The following PTCH2 variants were observed in gnomAD, a reference collection of about 807,000 sequenced individuals.
PTCH2 encodes protein patched homolog 2.
A neutral mutation model predicts 117.9 loss-of-function variants in PTCH2; 96 were observed. That is an observed-to-expected ratio of 0.81 (90% confidence interval 0.69 to 0.96). The LOEUF (loss-of-function observed/expected upper bound fraction) is 0.96, where lower values mean the gene tolerates loss of function less well. Ranked by LOEUF, PTCH2 falls within the 50% of genes least tolerant of loss-of-function variation. PTCH2 has a pLI of 0.00. For missense variants in PTCH2, 1,379 were observed against 1,562.5 expected, an observed-to-expected ratio of 0.88 and a Z score of 1.98; for synonymous variants, 615 against 660.9, an observed-to-expected ratio of 0.93 and a Z score of 1.06.
intron 2 of PTCH2, among the ~76,000 whole-genome samples, chr1:44,836,001 A>G (rs1055031632): frequency 6.6e-6 from 1 of 152,116 alleles, no homozygotes; most frequent in Non-Finnish European, 1.5e-5. Context: ...TAAGAAGGGG[A>G]CTGACTTGGC....
Position 44,822,592 on chromosome 1 carries a change from T to A in PTCH2, c.3435A>T (p.Ala1145=). The part of the protein sequence containing the change: ...APQGGGLRWG[A]SSSLPQSFAR... ...CAAAGCTCTGGGGCAGGGAGGAGGA[T>A]GCCCCCCACCTAAGCCCGCCTCCCT... is the stretch of plus-strand genomic sequence containing the variant. Residue 1145 remains alanine, a synonymous_variant, in exon 22 of 22, where the codon GCA becomes GCT. Coordinates refer to ENST00000372192, the MANE Select transcript of PTCH2 (RefSeq NM_003738.5). 6.2e-7 allele frequency: 1 copy of A among 1,613,970 alleles called. No homozygotes were observed. The highest frequency in any genetic ancestry group is 8.5e-7 in the Non-Finnish European group (1 of 1,179,956).
rs1573643889 is a variant in PTCH2, at chr1:44,826,639, A to G, written c.2825T>C (p.Val942Ala). ...AACAEAGQAGVHAYPSGSPFL... is the reference protein window; with the variant it reads ...AACAEAGQAGAHAYPSGSPFL... ...GGGGGAGCCGCTGGGGTAGGCGTGC[A>G]CCCCAGCCTGGCCGGCCTCTGCGCA... The change falls in exon 18 of 22, where the codon GTG becomes GCG. Residue 942 changes from valine (V) to alanine (A), a missense_variant. Transcript: ENST00000372192. The surrounding 1 kb of genome is among the most constrained non-coding windows in gnomAD (Gnocchi z 5.1). 6.2e-7 allele frequency: 1 copy of G among 1,611,932 alleles called. No homozygotes were observed. The highest frequency in any genetic ancestry group is 1.3e-5 in the African/African-American group (1 of 74,980).
chr1:44,822,273 A>G lies in PTCH2; in HGVS notation c.*142T>C. The G allele has an allele frequency of 6.4e-7, 1 of 1,570,056 alleles. No homozygotes were observed. The highest frequency in any genetic ancestry group is 1.2e-5 in the South Asian group (1 of 86,072). On this transcript the variant is annotated 3_prime_UTR_variant, in exon 22 of 22. Coordinates refer to ENST00000372192, the MANE Select transcript of PTCH2 (RefSeq NM_003738.5). ...TGGCTGTTCTGTATGGATATCAGGG[A>G]GGCCCATGACAGCTGGGTCGGGAGA...
At chr1:44,833,157 G>A (rs1653534520) in intron 2 of PTCH2, among the ~76,000 whole-genome samples, 1 of 152,104 alleles carries the variant, frequency 6.6e-6, no homozygotes, top group South Asian at 2.1e-4. Flanking sequence ...CGCCCCTCCA[G>A]TCCTGCGTTA....
chr1:44,833,206 G>A (rs1653536465), intron 2 of PTCH2, among the ~76,000 whole-genome samples: 1 of 152,116 alleles, frequency 6.6e-6, no homozygotes, highest in African/African-American at 2.4e-5. Context: ...TGGGACCTGG[G>A]GGAGGTGGGG....
downstream of PTCH2, chr1:44,821,776 T>C (rs1321807733): frequency 7.6e-7 from 1 of 1,318,034 alleles, no homozygotes; most frequent in Non-Finnish European, 1.0e-6. Flanking sequence ...CAGATGATGT[T>C]ACCAAGTATA....
chr1:44,828,775 G>A lies in PTCH2; in HGVS notation c.1465-144C>T, dbSNP rs537285433. The A allele has an allele frequency of 7.1e-5, 92 of 1,294,962 alleles. No homozygotes were observed. In the African/African-American group the frequency reaches 9.4e-4, roughly 13 times the overall value. The allele number at this position is 1,294,962 out of a possible 1,614,324, so 80.2% of individuals were successfully genotyped here. On this transcript the variant is annotated intron_variant, in intron 11 of 21. Coordinates refer to ENST00000372192, the MANE Select transcript of PTCH2 (RefSeq NM_003738.5). Reference sequence around the variant, plus strand: ...CTAGCATTTATTGGGTACCATGTACGTATGATGGGCTGTTCTAAGCATTCA... The same window carrying A: ...CTAGCATTTATTGGGTACCATGTACATATGATGGGCTGTTCTAAGCATTCA...
chr1:44,841,152 G>A (rs1218914305), intron 2 of PTCH2, among the ~76,000 whole-genome samples: 2 of 151,052 alleles, frequency 1.3e-5, no homozygotes, highest in Non-Finnish European at 2.9e-5. Context: ...CTGGGTGACA[G>A]AGAAAGACTC....
intron 2 of PTCH2, among the ~76,000 whole-genome samples, chr1:44,833,974 C>T (rs1217147997): frequency 6.6e-6 from 1 of 152,024 alleles, no homozygotes; most frequent in Non-Finnish European, 1.5e-5. Flanking sequence ...AATCTTCTCA[C>T]TCACAAAAGC....
chr1:44,820,510 G>A, downstream of PTCH2: 1 of 682,118 alleles, frequency 1.5e-6, no homozygotes, highest in Non-Finnish European at 2.8e-6. Flanking sequence ...TGGAGGAGAT[G>A]GCATCCGATC....
rs11573587 is a variant in PTCH2, at chr1:44,827,646, G to A, written c.2127C>T (p.Asp709=). 29,338 of 1,613,342 alleles carry A rather than the reference G, an allele frequency of 0.018. 335 individuals carry two copies. Among genetic ancestry groups the A allele is most frequent in the Non-Finnish European group, 0.022 (25,656 of 1,180,006 alleles). The change falls in exon 15 of 22, where the codon GAC becomes GAT. Residue 709 remains aspartate, a synonymous_variant. Coordinates refer to ENST00000372192, the MANE Select transcript of PTCH2 (RefSeq NM_003738.5). ...LSLYGATLVQ[D]GLALTDVVPR... Reference sequence around the variant, plus strand: ...GCACCACATCCGTCAGGGCCAGGCCGTCTTGCACCAAGGTGGCTCCGTAGA... The same window carrying A: ...GCACCACATCCGTCAGGGCCAGGCCATCTTGCACCAAGGTGGCTCCGTAGA...
chr1:44,833,116 G>A (rs917887643), intron 2 of PTCH2, among the ~76,000 whole-genome samples: 10 of 152,240 alleles, frequency 6.6e-5, no homozygotes, highest in African/African-American at 1.7e-4. Flanking sequence ...GATTCCCGGC[G>A]CCAGGCCTGC....
intron 2 of PTCH2, among the ~76,000 whole-genome samples, chr1:44,836,610 C>A (rs1431804089): frequency 1.3e-5 from 2 of 151,984 alleles, no homozygotes; most frequent in Admixed American, 6.6e-5. Flanking sequence ...GAGGCTGAGG[C>A]AGAAGAATCG....
intron 2 of PTCH2, among the ~76,000 whole-genome samples, chr1:44,836,244 T>C (rs1168397829): frequency 6.6e-6 from 1 of 152,228 alleles, no homozygotes; most frequent in Non-Finnish European, 1.5e-5. Context: ...CATAGGATGC[T>C]ACATAGTTCT....
chr1:44,824,612 C>G lies in PTCH2; in HGVS notation c.3115-1227G>C, dbSNP rs376771188. Reference sequence around the variant, plus strand: ...TCTGAGGTTCAAGTGATCCTCCCGCCTCAACCTCCTGAGTGGCTGAGACTA... The same window carrying G: ...TCTGAGGTTCAAGTGATCCTCCCGCGTCAACCTCCTGAGTGGCTGAGACTA... On this transcript the variant is annotated intron_variant, in intron 19 of 21. Transcript: ENST00000372192. Among the ~76,000 whole-genome samples the G allele has an allele frequency of 1.3e-4, 20 of 152,098 alleles. No homozygotes were observed. In the East Asian group the frequency reaches 2.9e-3, roughly 22 times the overall value.
downstream of PTCH2, chr1:44,820,592 G>C (rs1652871313): frequency 2.8e-5 from 19 of 683,868 alleles, no homozygotes; most frequent in South Asian, 3.0e-4. Context: ...AGAGGGAATG[G>C]CGTATGAGAA....
Position 44,822,301 on chromosome 1 carries a change from G to A in PTCH2, c.*114C>T, listed in dbSNP as rs1652940825. The stretch of plus-strand genomic sequence containing the variant: ...CCCATGACAGCTGGGTCGGGAGAGG[G>A]GATGCAGCAGCAGCAGGGCCCTCCA... On this transcript the variant is annotated 3_prime_UTR_variant, in exon 22 of 22. Transcript: ENST00000372192. The A allele has an allele frequency of 6.3e-7, 1 of 1,593,514 alleles. No homozygotes were observed. The highest frequency in any genetic ancestry group is 1.3e-5 in the African/African-American group (1 of 74,850).
chr1:44,839,361 C>CAAAAAAAAAA (rs57053705), intron 2 of PTCH2, among the ~76,000 whole-genome samples: 27 of 75,622 alleles, frequency 3.6e-4, no homozygotes, highest in East Asian at 3.4e-3. Context: ...GACTTACTCT[C>CAAAAAAAAAA]AAAAAAAAAA....
At chr1:44,839,081 G>GA (rs968578604) in intron 2 of PTCH2, among the ~76,000 whole-genome samples, 61 of 150,442 alleles carry the variant, frequency 4.1e-4, no homozygotes, top group African/African-American at 1.4e-3. Flanking sequence ...CCATCTCTAT[G>GA]AAAAAAAAGA....
Sources: allele counts gnomAD v4.1 joint callset (sites outside exome capture counted in the v4.1 genomes callset), GRCh38; gene constraint gnomAD v4.1.1; non-coding constraint Gnocchi (gnomAD v3.1); transcripts MANE v1.5; gene names NCBI Gene and HGNC (gene_info 2026-07-23, HGNC 2026-07-21).